Variants in DIAPH2 observed in about 807,000 individuals in gnomAD.
DIAPH2 encodes protein diaphanous homolog 2.
In DIAPH2, 35 loss-of-function variants were observed where a neutral mutation model predicts 92.7. That is an observed-to-expected ratio of 0.38 (90% CI 0.29 to 0.50). The LOEUF is 0.50. Ranked by LOEUF, DIAPH2 falls within the 20% of genes least tolerant of loss-of-function variation. DIAPH2 has a pLI of 0.94. For missense variants in DIAPH2, 701 were observed against 819.5 expected, an observed-to-expected ratio of 0.86 and a Z score of 1.77; for synonymous variants, 301 against 280.4, an observed-to-expected ratio of 1.07 and a Z score of -0.73.
intron 4 of DIAPH2, among the ~76,000 whole-genome samples, chrX:96,832,267 G>A (rs1011413073): frequency 1.8e-5 from 2 of 111,153 alleles, no homozygotes; most frequent in African/African-American, 6.5e-5. Flanking sequence ...ATTTTTCAAT[G>A]TGGACATATA....
At chrX:97,504,524 T>A (rs2070819846) in intron 26 of DIAPH2, among the ~76,000 whole-genome samples, 1 of 112,282 alleles carries the variant, frequency 8.9e-6, no homozygotes, top group African/African-American at 3.2e-5. Flanking sequence ...TCATTGGCTG[T>A]CAAAATGCCC....
At chrX:97,190,126 C>T (rs2067640713) in intron 22 of DIAPH2, among the ~76,000 whole-genome samples, 1 of 112,858 alleles carries the variant, frequency 8.9e-6, no homozygotes, top group Non-Finnish European at 1.9e-5. Context: ...CTTGCTTCAC[C>T]ACTGATGATC....
At chrX:96,892,462 T>C (rs1370062129) in intron 5 of DIAPH2, among the ~76,000 whole-genome samples, 1 of 112,063 alleles carries the variant, frequency 8.9e-6, no homozygotes, top group Non-Finnish European at 1.9e-5. Context: ...TCAATTTATA[T>C]GCCTTTTGTT....
chrX:96,904,894 T>C (rs751216497), intron 5 of DIAPH2, among the ~76,000 whole-genome samples: 51 of 111,915 alleles, frequency 4.6e-4, no homozygotes, highest in Non-Finnish European at 7.9e-4. Context: ...TTGTTTCACA[T>C]GTTATAATTT....
intron 4 of DIAPH2, among the ~76,000 whole-genome samples, chrX:96,879,209 C>T (rs924573188): frequency 6.4e-5 from 7 of 110,189 alleles, no homozygotes; most frequent in Admixed American, 1.9e-4. Flanking sequence ...AATGGTGTTG[C>T]GATGATAACT....
chrX:97,327,417 T>C (rs1008186455), intron 23 of DIAPH2, among the ~76,000 whole-genome samples: 8 of 109,419 alleles, frequency 7.3e-5, no homozygotes, highest in African/African-American at 2.7e-4. Context: ...TTCATTGTTA[T>C]TTATTGTTGT....
intron 21 of DIAPH2, among the ~76,000 whole-genome samples, chrX:97,140,025 T>TA (rs200917064): frequency 0.077 from 8,218 of 106,634 alleles, 318 homozygotes; most frequent in Admixed American, 0.2. Context: ...TGTTCTTTTT[T>TA]AAAAAAAAAA....
chrX:97,186,901 G>C (rs760405057), intron 22 of DIAPH2, among the ~76,000 whole-genome samples: 1 of 111,939 alleles, frequency 8.9e-6, no homozygotes, highest in South Asian at 3.7e-4. Flanking sequence ...CATCATCCAA[G>C]ATAATCAGTC....
Position 96,911,225 on chromosome X carries a change from A to G in DIAPH2, c.588-1103A>G, listed in dbSNP as rs190368232. The stretch of plus-strand genomic sequence containing the variant: ...AGGGCAATTTAATCTGTCATTTTAT[A>G]AAATGATTAAGAGAAAAGAATGAAG... On this transcript the variant is annotated intron_variant, in intron 5 of 26. Transcript: ENST00000324765. Among the ~76,000 whole-genome samples the G allele has an allele frequency of 3.6e-5, 4 of 111,541 alleles. No individual in the cohort carries two copies. The East Asian group carries it at 1.1e-3, about 31-fold the overall frequency.
At chrX:97,365,920 G>A (rs1268844973) in intron 24 of DIAPH2, among the ~76,000 whole-genome samples, 1 of 110,330 alleles carries the variant, frequency 9.1e-6, no homozygotes, top group Admixed American at 9.7e-5. Context: ...GGCTGGTCTC[G>A]AACTCCTGGC....
chrX:97,126,549 C>T (rs1438841521), intron 21 of DIAPH2, among the ~76,000 whole-genome samples: 2 of 112,115 alleles, frequency 1.8e-5, no homozygotes, highest in African/African-American at 6.5e-5. Context: ...GTAAAACATA[C>T]ATCTCCAGTC....
At chrX:96,718,956 C>T (rs1409670674) in intron 1 of DIAPH2, among the ~76,000 whole-genome samples, 2 of 111,160 alleles carry the variant, frequency 1.8e-5, no homozygotes, top group African/African-American at 6.5e-5. Flanking sequence ...TATTGCCTGT[C>T]TTTTGGATAA....
intron 26 of DIAPH2, among the ~76,000 whole-genome samples, chrX:97,467,417 G>A (rs1464521894): frequency 1.8e-5 from 2 of 111,450 alleles, no homozygotes; most frequent in Non-Finnish European, 3.8e-5. Flanking sequence ...TTTTTCCTGA[G>A]GAATTATACT....
Position 97,373,931 on chromosome X carries a change from G to GC in DIAPH2, c.3010-9977dup, listed in dbSNP as rs749507492. On this transcript the variant is annotated intron_variant, in intron 24 of 26. Coordinates refer to ENST00000324765, the MANE Select transcript of DIAPH2 (RefSeq NM_006729.5). ...GGAGGTACTTAAGAGCAGAAGGAAC[G>GC]CAAGTGTAAAGATGAGGAGCGAGGG... 4.3e-4 allele frequency among the ~76,000 whole-genome samples: 48 copies of GC among 111,205 alleles called. No homozygotes were observed. In the East Asian group the frequency reaches 0.011, roughly 26 times the overall value.
chrX:97,461,480 T>C (rs1361258222), intron 26 of DIAPH2, among the ~76,000 whole-genome samples: 1 of 111,919 alleles, frequency 8.9e-6, no homozygotes, highest in African/African-American at 3.2e-5. Flanking sequence ...ACTAGGTTGC[T>C]TGAACACGCT....
chrX:97,438,132 A>G (rs1447175810), intron 26 of DIAPH2, among the ~76,000 whole-genome samples: 2 of 106,602 alleles, frequency 1.9e-5, no homozygotes, highest in Non-Finnish European at 1.9e-5. Context: ...AAAAAAAAAA[A>G]AAAAGAAAAA....
intron 4 of DIAPH2, among the ~76,000 whole-genome samples, chrX:96,759,146 G>A (rs1461556539): frequency 1.8e-5 from 2 of 110,413 alleles, no homozygotes; most frequent in Non-Finnish European, 3.8e-5. Flanking sequence ...CACTATTTAG[G>A]TCATGTGTTT....
chrX:97,456,977 C>A (rs2070411899), intron 26 of DIAPH2, among the ~76,000 whole-genome samples: 1 of 112,027 alleles, frequency 8.9e-6, no homozygotes, highest in Admixed American at 9.4e-5. Flanking sequence ...TTAGTGTTTA[C>A]ATTTCCCTGA....
In DIAPH2 at chrX:96,962,502, T is replaced by C. The variant is rs868036197; in HGVS notation, c.1936-2591T>C. Among the ~76,000 whole-genome samples the C allele has an allele frequency of 1.0e-3, 81 of 79,355 alleles. 3 individuals carry two copies. The highest frequency in any genetic ancestry group is 2.1e-3 in the African/African-American group (33 of 15,971). 68.9% of individuals were successfully genotyped at this position (79,355 alleles called of 115,157 possible). A position where few individuals can be genotyped will look rare whatever the true frequency, so the allele number is the denominator to read the frequency against. The stretch of plus-strand genomic sequence containing the variant: ...ATACACACACACACACACACATATA[T>C]ATATATATATATATATATATACCTA... On this transcript the variant is annotated intron_variant, in intron 16 of 26. Transcript: ENST00000324765.
Sources: gnomAD v4.1 joint callset for allele counts (sites outside exome capture counted in the v4.1 genomes callset) on GRCh38, gnomAD v4.1.1 for gene constraint, MANE v1.5 for transcripts, NCBI Gene and HGNC (gene_info 2026-07-23, HGNC 2026-07-21) for gene names.